The following GPC6 variants were observed in gnomAD, a reference collection of about 807,000 sequenced individuals.
GPC6 encodes the protein glypican-6.
GPC6 carries 14 observed loss-of-function variants against 55.2 expected under a neutral mutation model. The ratio of observed to expected loss-of-function variants is 0.25; its 90% CI spans 0.17 to 0.40. The LOEUF (loss-of-function observed/expected upper bound fraction) is 0.40, where lower values mean the gene tolerates loss of function less well. GPC6 is among the 10% of genes least tolerant of loss of function. The pLI, the probability that GPC6 is intolerant of heterozygous loss-of-function variation, is 1.00. For missense variants in GPC6, 641 were observed against 708.5 expected (o/e 0.90, Z 1.08); for synonymous variants, 278 against 259.6 (o/e 1.07, Z -0.68).
intron 2 of GPC6, among the ~76,000 whole-genome samples, chr13:93,741,514 C>T (rs556342339): frequency 6.6e-6 from 1 of 152,130 alleles, no homozygotes; most frequent in Non-Finnish European, 1.5e-5. Flanking sequence ...TGCTCATGCT[C>T]ATCTCACATA....
At chr13:93,709,287 T>G (rs944256924) in intron 2 of GPC6, among the ~76,000 whole-genome samples, 16 of 151,790 alleles carry the variant, frequency 1.1e-4, no homozygotes, top group Admixed American at 8.6e-4. Context: ...TTCTTAACCT[T>G]CCCAAGACTT....
intron 1 of GPC6, among the ~76,000 whole-genome samples, chr13:93,532,309 ATCTC>A (rs1490231840): frequency 1.3e-5 from 2 of 151,938 alleles, no homozygotes; most frequent in Non-Finnish European, 2.9e-5. Context: ...AATACAATGA[ATCTC>A]TCTGTGTGTG....
intron 4 of GPC6, among the ~76,000 whole-genome samples, chr13:94,209,144 A>C (rs1889996658): frequency 1.3e-5 from 2 of 152,098 alleles, no homozygotes; most frequent in Admixed American, 6.5e-5. Context: ...AAGATAAATG[A>C]ATTTCTTTAG....
At chr13:94,046,627 T>G (rs990480192) in intron 4 of GPC6, among the ~76,000 whole-genome samples, 4 of 152,140 alleles carry the variant, frequency 2.6e-5, no homozygotes, top group African/African-American at 9.7e-5. Context: ...CACTTTTATT[T>G]CTTATAACAT....
intron 4 of GPC6, among the ~76,000 whole-genome samples, chr13:94,156,547 T>C (rs1212648506): frequency 6.6e-6 from 1 of 152,154 alleles, no homozygotes; most frequent in African/African-American, 2.4e-5. Context: ...CCAAATGTGA[T>C]AGTACTGTTG....
chr13:94,399,444 T>G (rs1034961645), intron 8 of GPC6, among the ~76,000 whole-genome samples: 9 of 152,122 alleles, frequency 5.9e-5, no homozygotes, highest in Admixed American at 1.3e-4. Context: ...AAAAAAGAGT[T>G]TTTTCTGTCA....
intron 2 of GPC6, among the ~76,000 whole-genome samples, chr13:93,664,767 G>A (rs924291685): frequency 2.0e-5 from 3 of 152,124 alleles, no homozygotes; most frequent in East Asian, 1.9e-4. Flanking sequence ...ACAGGCATGC[G>A]CCACCACGCC....
At chr13:94,387,730 TTCTCTCTCTCTCTCTCTCTC>T (rs3044333) in intron 7 of GPC6, among the ~76,000 whole-genome samples, 53 of 141,154 alleles carry the variant, frequency 3.8e-4, no homozygotes, top group Non-Finnish European at 6.9e-4. Flanking sequence ...AGACATGAGT[TTCTCTCTCTCTCTCTCTCTC>T]TCTCTCTCTC....
intron 1 of GPC6, among the ~76,000 whole-genome samples, chr13:93,419,652 C>G (rs2139257343): frequency 6.6e-6 from 1 of 152,202 alleles, no homozygotes; most frequent in Non-Finnish European, 1.5e-5. Flanking sequence ...AAGCCTGTAA[C>G]ACAGTGAAGC....
rs76952211 is a variant in GPC6 at position 94,380,379 on chromosome 13, G to A, written c.1153-2035G>A. Among the ~76,000 whole-genome samples, 654 of 152,140 alleles carry A rather than the reference G, an allele frequency of 4.3e-3. 2 individuals carry two copies. Among genetic ancestry groups the A allele is most frequent in the African/African-American group, 0.015 (623 of 41,490 alleles). ...TAATGGAGGTTAGGGCACCAAAGTG[G>A]ACACTACGTAGAACAAATAAAATGT... On this transcript the variant is annotated intron_variant, in intron 6 of 8. Transcript: ENST00000377047.
At chr13:93,555,729 G>A (rs1310061281) in intron 2 of GPC6, among the ~76,000 whole-genome samples, 1 of 152,138 alleles carries the variant, frequency 6.6e-6, no homozygotes, top group Non-Finnish European at 1.5e-5. Flanking sequence ...CACACACACA[G>A]GCGTGAATAA....
At chr13:94,095,243 TAA>T (rs1288973865) in intron 4 of GPC6, among the ~76,000 whole-genome samples, 3 of 152,090 alleles carry the variant, frequency 2.0e-5, no homozygotes, top group Admixed American at 6.6e-5. Flanking sequence ...ATATGCTATA[TAA>T]AAAAGAGTAG....
At chr13:93,571,197 C>T (rs1237980923) in intron 2 of GPC6, among the ~76,000 whole-genome samples, 2 of 152,082 alleles carry the variant, frequency 1.3e-5, no homozygotes, top group African/African-American at 4.8e-5. Flanking sequence ...TGCCAACTTT[C>T]TCTAACATTC....
At chr13:94,279,927 G>C (rs955544779) in intron 4 of GPC6, among the ~76,000 whole-genome samples, 3 of 152,174 alleles carry the variant, frequency 2.0e-5, no homozygotes, top group Non-Finnish European at 2.9e-5. Flanking sequence ...CTGTTGATTT[G>C]GGGTGAAGAG....
chr13:93,325,407 C>A (rs1237107516), intron 1 of GPC6, among the ~76,000 whole-genome samples: 1 of 152,100 alleles, frequency 6.6e-6, no homozygotes, highest in Middle Eastern at 3.2e-3. Flanking sequence ...ATTTATCCCA[C>A]CTTGGTTAGG....
intron 6 of GPC6, among the ~76,000 whole-genome samples, chr13:94,354,434 A>ATT (rs1211204211): frequency 6.6e-6 from 1 of 152,214 alleles, no homozygotes; most frequent in Non-Finnish European, 1.5e-5. Flanking sequence ...ACAAGAAACA[A>ATT]ACCAAATGCA....
intron 4 of GPC6, among the ~76,000 whole-genome samples, chr13:94,200,337 A>T (rs1320246905): frequency 6.6e-6 from 1 of 152,208 alleles, no homozygotes; most frequent in Non-Finnish European, 1.5e-5. Flanking sequence ...AGTGACTGGC[A>T]TTTGTAAGGT....
At chr13:93,644,387 C>T (rs2139590498) in intron 2 of GPC6, among the ~76,000 whole-genome samples, 1 of 152,176 alleles carries the variant, frequency 6.6e-6, no homozygotes, top group South Asian at 2.1e-4. Flanking sequence ...ATGTGTACAT[C>T]TTTGTCCTGG....
At chr13:93,320,045 T>C (rs911578203) in intron 1 of GPC6, among the ~76,000 whole-genome samples, 2 of 152,076 alleles carry the variant, frequency 1.3e-5, no homozygotes, top group African/African-American at 4.8e-5. Flanking sequence ...TGAAAATCCA[T>C]ACTGAAAGTG....
Sources: gnomAD v4.1 joint callset for allele counts (sites outside exome capture counted in the v4.1 genomes callset) on GRCh38, gnomAD v4.1.1 for gene constraint, MANE v1.5 for transcripts, NCBI Gene and HGNC (gene_info 2026-07-23, HGNC 2026-07-21) for gene names.